ECM2: variants seen among roughly 807,000 people sequenced by gnomAD.
ECM2 encodes the protein extracellular matrix protein 2.
Under a neutral mutation model 67.5 loss-of-function variants are expected in ECM2, and 57 were observed. The observed-to-expected ratio is 0.84, with a 90% CI of 0.68 to 1.05. The LOEUF (loss-of-function observed/expected upper bound fraction) is 1.05. ECM2 is among the 50% of genes least tolerant of loss of function. The pLI, the probability that ECM2 is intolerant of heterozygous loss-of-function variation, is 0.00. For missense variants in ECM2, 741 were observed against 822.8 expected, an observed-to-expected ratio of 0.90 and a Z score of 1.22; for synonymous variants, 258 against 294.5, an observed-to-expected ratio of 0.88 and a Z score of 1.27.
the ECM2 span, among the ~76,000 whole-genome samples, chr9:92,554,850 C>T: frequency 6.6e-6 from 1 of 151,898 alleles, no homozygotes; most frequent in East Asian, 1.9e-4. Context: ...GTTGGCCAGG[C>T]TGGTCTCGAA....
chr9:92,556,384 T>C, the ECM2 span, among the ~76,000 whole-genome samples: 1 of 152,218 alleles, frequency 6.6e-6, no homozygotes, highest in African/African-American at 2.4e-5. Context: ...TGAAATGTTC[T>C]GTATATATAT....
upstream of ECM2, chr9:92,539,212 G>A (rs928104313): frequency 6.6e-6 from 1 of 152,190 alleles, no homozygotes; most frequent in Non-Finnish European, 1.5e-5. Flanking sequence ...AAATGGCTGA[G>A]TAAAGCATTA....
upstream of ECM2, among the ~76,000 whole-genome samples, chr9:92,539,496 A>T (rs909932450): frequency 6.6e-6 from 1 of 152,096 alleles, no homozygotes; most frequent in African/African-American, 2.4e-5. Context: ...ATTTGCGTTC[A>T]GTTGATGCAG....
At chr9:92,507,110 C>G (rs919430100) in intron 6 of ECM2, among the ~76,000 whole-genome samples, 14 of 152,256 alleles carry the variant, frequency 9.2e-5, no homozygotes, top group African/African-American at 3.1e-4. Context: ...ACAACAACGT[C>G]TGGCTCTCAT....
At chr9:92,519,092 C>T (rs959597339) in intron 2 of ECM2, among the ~76,000 whole-genome samples, 2 of 152,132 alleles carry the variant, frequency 1.3e-5, no homozygotes, top group African/African-American at 2.4e-5. Context: ...CCAAGTTCCA[C>T]CCCCAAATGA....
chr9:92,554,388 G>A, the ECM2 span, among the ~76,000 whole-genome samples: 1 of 152,056 alleles, frequency 6.6e-6, no homozygotes, highest in Non-Finnish European at 1.5e-5. Context: ...TCACCATTTT[G>A]GTCAGGCTGG....
intron 1 of ECM2, among the ~76,000 whole-genome samples, chr9:92,524,955 T>C (rs761025487): frequency 3.3e-5 from 5 of 152,060 alleles, no homozygotes; most frequent in East Asian, 1.9e-4. Flanking sequence ...AGGAGAGGCA[T>C]TGAAGGATTA....
At chr9:92,532,013 A>ATTTTTT (rs1368397928) in intron 1 of ECM2, among the ~76,000 whole-genome samples, 4 of 68,946 alleles carry the variant, frequency 5.8e-5, no homozygotes, top group Admixed American at 2.3e-4. Flanking sequence ...TTTTTATTTA[A>ATTTTTT]TGTTTTTTTT....
In ECM2 at chr9:92,500,904, T is replaced by C; in HGVS notation, c.1754A>G (p.Tyr585Cys). 6.2e-7 allele frequency: 1 copy of C among 1,614,148 alleles called. No homozygotes were observed. Among genetic ancestry groups the C allele is most frequent in the Non-Finnish European group, 8.5e-7 (1 of 1,180,012 alleles). The part of the protein sequence containing the change: ...VFGHMEPGLE[Y>C]LYLSFNKLAD... ...AAGTTTGTTAAATGACAGGTACAAG[T>C]ATTCCAGGCCTGGTTCCATGTGGCC... Residue 585 changes from tyrosine (Y) to cysteine (C), a missense_variant, in exon 9 of 10, where the codon TAC (tyrosine) becomes TGC (cysteine). Physicochemically the swap from Tyr to Cys is radical, Grantham distance 194. Transcript: ENST00000344604.
At chr9:92,540,693 C>T (rs1849298342), upstream of ECM2, among the ~76,000 whole-genome samples, 2 of 151,650 alleles carry the variant, frequency 1.3e-5, no homozygotes, top group African/African-American at 4.9e-5. Context: ...ATCACTTGAA[C>T]CTGGGAGGCA....
At position 92,514,713 on chromosome 9, in the gene ECM2, G is replaced by A. The variant is rs1339720071; in HGVS notation, c.972C>T (p.Tyr324=). 1 of 1,614,036 alleles carries A rather than the reference G, an allele frequency of 6.2e-7. No homozygotes were observed. Among genetic ancestry groups the A allele is most frequent in the East Asian group, 2.2e-5 (1 of 44,874 alleles). The stretch of plus-strand genomic sequence containing the variant: ...TGGCGTTGATGCAGCTGATGGTCCT[G>A]TAGGACAGAGAGCACCCGCTTGGCA... ...LRLPSGCSLS[Y]RTISCINAML... is the part of the protein sequence containing the mutation. The change falls in exon 4 of 10, where the codon TAC becomes TAT. Residue 324 remains tyrosine, a synonymous_variant. Transcript: ENST00000344604.
At chr9:92,557,609 C>G in the ECM2 span, among the ~76,000 whole-genome samples, 57,258 of 151,780 alleles carry the variant, frequency 0.38, 13,392 homozygotes, top group African/African-American at 0.66. Context: ...TTGTTCAGTT[C>G]TATTGCTGAG....
the ECM2 span, among the ~76,000 whole-genome samples, chr9:92,554,750 G>A: frequency 6.6e-6 from 1 of 152,086 alleles, no homozygotes; most frequent in East Asian, 1.9e-4. Flanking sequence ...CAAGTTTCCT[G>A]CCTCAGCCTC....
chr9:92,509,393 T>G (rs1187053239), intron 6 of ECM2, among the ~76,000 whole-genome samples: 3 of 152,226 alleles, frequency 2.0e-5, no homozygotes, highest in Non-Finnish European at 4.4e-5. Flanking sequence ...AATTCCCATG[T>G]GCTTAGTTTT....
the ECM2 span, among the ~76,000 whole-genome samples, chr9:92,555,638 A>G: frequency 6.6e-5 from 10 of 152,040 alleles, no homozygotes; most frequent in Admixed American, 3.3e-4. Flanking sequence ...TTTTCCAGGA[A>G]CTTATTCATC....
At chr9:92,557,196 A>G in the ECM2 span, among the ~76,000 whole-genome samples, 1 of 152,156 alleles carries the variant, frequency 6.6e-6, no homozygotes, top group Non-Finnish European at 1.5e-5. Flanking sequence ...TCTGCTGTTA[A>G]TCTGATAGGT....
chr9:92,524,570 A>T (rs114873526), intron 1 of ECM2, among the ~76,000 whole-genome samples: 6,069 of 152,282 alleles, frequency 0.04, 185 homozygotes, highest in South Asian at 0.099. Flanking sequence ...TGAGAAACAC[A>T]CACATACTCA....
chr9:92,540,643 C>T (rs1180883230), upstream of ECM2, among the ~76,000 whole-genome samples: 7 of 151,324 alleles, frequency 4.6e-5, no homozygotes, highest in Admixed American at 3.3e-4. Flanking sequence ...TGGTGGCACG[C>T]GCCTGTAGTC....
At chr9:92,549,609 T>G in the ECM2 span, among the ~76,000 whole-genome samples, 4 of 148,106 alleles carry the variant, frequency 2.7e-5, no homozygotes, top group South Asian at 4.3e-4. Flanking sequence ...ATCGCGCCAC[T>G]GCACTCCAGC....
Sources: gnomAD v4.1 joint callset for allele counts (sites outside exome capture counted in the v4.1 genomes callset) on GRCh38, gnomAD v4.1.1 for gene constraint, MANE v1.5 for transcripts, NCBI Gene and HGNC (gene_info 2026-07-23, HGNC 2026-07-21) for gene names.